Variants in SCN1A observed in about 807,000 individuals in gnomAD.
The protein encoded by SCN1A is sodium channel protein type 1 subunit alpha.
In SCN1A, 13 loss-of-function variants were observed where a neutral mutation model predicts 193.7. The ratio of observed to expected loss-of-function variants is 0.07; its 90% CI spans 0.04 to 0.11. The LOEUF (loss-of-function observed/expected upper bound fraction) is 0.11. SCN1A is among the 10% of genes least tolerant of loss of function. SCN1A has a pLI of 1.00. For synonymous variants in SCN1A, 781 were observed against 843.6 expected (o/e 0.93, Z 1.29); for missense variants, 1,432 against 2,451.1 (o/e 0.58, Z 8.78).
chr2:166,009,369 A>G (rs1692099537), intron 23 of SCN1A: 1 of 167,448 alleles, frequency 6.0e-6, no homozygotes. Flanking sequence ...ACAAAGAATA[A>G]GTACCTGATA....
intron 19 of SCN1A, among the ~76,000 whole-genome samples, chr2:166,025,428 G>A (rs561674500): frequency 6.6e-6 from 1 of 152,230 alleles, no homozygotes; most frequent in South Asian, 2.1e-4. Context: ...TCTAGGCCAG[G>A]CAGAGCATAT....
At chr2:166,134,765 TGA>T (rs1229957355) in intron 1 of SCN1A, among the ~76,000 whole-genome samples, 1 of 152,226 alleles carries the variant, frequency 6.6e-6, no homozygotes, top group Non-Finnish European at 1.5e-5. Context: ...CACATTTATA[TGA>T]TGGTTATCTG....
rs1362350313 is a variant in SCN1A at position 165,989,490 on chromosome 2, C to T, written c.*1755G>A. ...AGAACAAAAATAACATAAGCACTACCTTCAATTCAGTTAGTGCAGGTACTA... is the reference window on the plus strand; with the variant it reads ...AGAACAAAAATAACATAAGCACTACTTTCAATTCAGTTAGTGCAGGTACTA... On this transcript the variant is annotated 3_prime_UTR_variant, in exon 29 of 29. Coordinates refer to ENST00000674923, the MANE Select transcript of SCN1A (RefSeq NM_001165963.4). The T allele has an allele frequency of 2.6e-5, 4 of 152,124 alleles. No individual in the cohort carries two copies. Among genetic ancestry groups the T allele is most frequent in the Non-Finnish European group, 5.9e-5 (4 of 68,002 alleles). 9.4% of individuals were successfully genotyped at this position (152,124 alleles called of 1,614,324 possible).
At chr2:166,138,050 T>C (rs931357711) in intron 1 of SCN1A, among the ~76,000 whole-genome samples, 2 of 152,114 alleles carry the variant, frequency 1.3e-5, no homozygotes, top group African/African-American at 4.8e-5. Context: ...AACTTTGAAC[T>C]TGGGAGAGAT....
chr2:166,073,660 A>G lies in SCN1A; in HGVS notation c.-39T>C, dbSNP rs1229733825. On this transcript the variant is annotated 5_prime_UTR_variant, in exon 4 of 29. The change abolishes an upstream ATG in the 5' untranslated region. Coordinates refer to ENST00000674923, the MANE Select transcript of SCN1A (RefSeq NM_001165963.4). ...ACATTTTAATTACCATTTATTCTGCATATGAAATTCCTAAAATAAAAGGAA... is the reference window on the plus strand; with the variant it reads ...ACATTTTAATTACCATTTATTCTGCGTATGAAATTCCTAAAATAAAAGGAA... The G allele has an allele frequency of 5.6e-6, 9 of 1,607,878 alleles. No homozygotes were observed. The highest frequency in any genetic ancestry group is 7.7e-6 in the Non-Finnish European group (9 of 1,176,052).
intron 4 of SCN1A, among the ~76,000 whole-genome samples, chr2:166,064,388 A>G (rs1419302149): frequency 6.6e-6 from 1 of 152,168 alleles, no homozygotes; most frequent in Non-Finnish European, 1.5e-5. Context: ...TATGTTTGTT[A>G]CCTAATGGTT....
intron 23 of SCN1A, among the ~76,000 whole-genome samples, chr2:166,008,264 C>CTGAG (rs757801412): frequency 2.8e-4 from 42 of 151,246 alleles, no homozygotes; most frequent in Non-Finnish European, 4.9e-4. Context: ...ATGGAAATAT[C>CTGAG]TGAGCACTTG....
chr2:166,057,455 C>A (rs932962633), intron 5 of SCN1A, among the ~76,000 whole-genome samples: 1 of 151,886 alleles, frequency 6.6e-6, no homozygotes, highest in Admixed American at 6.6e-5. Context: ...GGGTCCAGGA[C>A]TAGAATATAA....
chr2:166,130,785 G>A (rs471527), upstream of SCN1A, among the ~76,000 whole-genome samples: 130,271 of 152,230 alleles, frequency 0.86, 55,902 homozygotes, highest in East Asian at 0.98. Context: ...TACTTCATTC[G>A]TCAGAGCTGA....
chr2:166,034,215 C>G (rs1015557005), intron 19 of SCN1A, among the ~76,000 whole-genome samples: 1 of 152,086 alleles, frequency 6.6e-6, no homozygotes, highest in African/African-American at 2.4e-5. Context: ...TCTCATCAAA[C>G]AAATCTGAAT....
chr2:166,129,594 A>T (rs1668764063), upstream of SCN1A, among the ~76,000 whole-genome samples: 1 of 152,182 alleles, frequency 6.6e-6, no homozygotes, highest in South Asian at 2.1e-4. Context: ...TTGAAAGAAG[A>T]TGAGGAGACA....
intron 27 of SCN1A, among the ~76,000 whole-genome samples, chr2:165,995,807 C>A (rs1002354581): frequency 3.2e-4 from 48 of 151,546 alleles, no homozygotes; most frequent in African/African-American, 1.1e-3. Flanking sequence ...AAGGGTGTAT[C>A]TTCTATTTCT....
chr2:166,067,414 T>C (rs1004717226), intron 4 of SCN1A, among the ~76,000 whole-genome samples: 2 of 151,782 alleles, frequency 1.3e-5, no homozygotes, highest in Admixed American at 6.6e-5. Context: ...CAAAATGGCA[T>C]GAGTAGGAAA....
intron 27 of SCN1A, among the ~76,000 whole-genome samples, chr2:165,995,667 T>C (rs549148255): frequency 1.3e-5 from 2 of 151,858 alleles, no homozygotes; most frequent in African/African-American, 4.8e-5. Context: ...TTTACTTCTT[T>C]CCCTGATATT....
At chr2:166,033,516 A>G (rs1273096504) in intron 19 of SCN1A, among the ~76,000 whole-genome samples, 1 of 152,078 alleles carries the variant, frequency 6.6e-6, no homozygotes, top group Non-Finnish European at 1.5e-5. Context: ...ATTAAAAAAA[A>G]AAACTGGCCT....
At chr2:166,078,389 C>T (rs1685182594) in intron 2 of SCN1A, among the ~76,000 whole-genome samples, 1 of 146,940 alleles carries the variant, frequency 6.8e-6, no homozygotes, top group Non-Finnish European at 1.5e-5. Flanking sequence ...TAATTTTCTT[C>T]CATTGTATTT....
rs751533302 is a variant in SCN1A, at chr2:166,043,668, C to T, written c.2043+1G>A. On this transcript the variant is annotated splice_donor_variant, in intron 14 of 28. Coordinates refer to ENST00000674923, the MANE Select transcript of SCN1A (RefSeq NM_001165963.4). LOFTEE classifies it high-confidence loss of function. ...GCCTGAACTATTTAAAACTTCCTTA[C>T]ATTGTCATCAGTAGCTGGCTTATCT... The T allele has an allele frequency of 1.9e-6, 3 of 1,613,410 alleles. No homozygotes were observed. The highest frequency in any genetic ancestry group is 2.5e-6 in the Non-Finnish European group (3 of 1,179,582).
intron 2 of SCN1A, among the ~76,000 whole-genome samples, chr2:166,083,765 TAGTC>T (rs1192460062): frequency 1.3e-5 from 2 of 152,196 alleles, no homozygotes; most frequent in Admixed American, 6.5e-5. Context: ...TAGACGATCA[TAGTC>T]AGAATAATTT....
At chr2:166,115,537 A>G (rs767268493) in intron 2 of SCN1A, among the ~76,000 whole-genome samples, 2 of 152,196 alleles carry the variant, frequency 1.3e-5, no homozygotes, top group Non-Finnish European at 2.9e-5. Flanking sequence ...CAATACTCAT[A>G]GTATATATGA....
Sources: allele counts gnomAD v4.1 joint callset (sites outside exome capture counted in the v4.1 genomes callset), GRCh38; gene constraint gnomAD v4.1.1; transcripts MANE v1.5; gene names NCBI Gene and HGNC (gene_info 2026-07-23, HGNC 2026-07-21).